The following IGF1 variants were observed in gnomAD, a reference collection of about 807,000 sequenced individuals.
The protein encoded by IGF1 is insulin like growth factor 1, also known as insulin-like growth factor 1.
A neutral mutation model predicts 13.8 loss-of-function variants in IGF1; 4 were observed. That is an observed-to-expected ratio of 0.29 (90% CI 0.14 to 0.66). The LOEUF is 0.66. Among genes scored for constraint, IGF1 ranks in the 30% least tolerant of loss-of-function variants. IGF1 has a pLI of 0.78. For synonymous variants in IGF1, 76 were observed against 72.6 expected, an observed-to-expected ratio of 1.05 and a Z score of -0.23; for missense variants, 124 against 188.5, an observed-to-expected ratio of 0.66 and a Z score of 2.00.
At chr12:102,448,713 A>G (rs977927351) in intron 2 of IGF1, among the ~76,000 whole-genome samples, 4 of 118,442 alleles carry the variant, frequency 3.4e-5, no homozygotes, top group African/African-American at 8.9e-5. Context: ...AAAAAAAAAA[A>G]AAATCTCATC....
chr12:102,424,089 G>T (rs991181044), intron 2 of IGF1, among the ~76,000 whole-genome samples: 1 of 152,160 alleles, frequency 6.6e-6, no homozygotes, highest in Non-Finnish European at 1.5e-5. Context: ...TTGATTTGAA[G>T]AGTCAGTATT....
intron 3 of IGF1, among the ~76,000 whole-genome samples, chr12:102,411,580 A>T (rs1237354467): frequency 3.3e-5 from 5 of 152,144 alleles, no homozygotes; most frequent in Admixed American, 3.3e-4. Context: ...TTTGATGTAA[A>T]ATTTCTTGGT....
In IGF1 at chr12:102,478,317, GA is replaced by G. The variant is rs913616635; in HGVS notation, c.63+2001del. Among the ~76,000 whole-genome samples the G allele has an allele frequency of 1.2e-4, 17 of 144,392 alleles. No individual in the cohort carries two copies. The East Asian group carries it at 1.4e-3, about 12-fold the overall frequency. 94.7% of individuals were successfully genotyped at this position (144,392 alleles called of 152,430 possible). On this transcript the variant is annotated intron_variant, in intron 1 of 3. Coordinates refer to ENST00000337514, the MANE Select transcript of IGF1 (RefSeq NM_000618.5). ...GAATCAGAAAGACATGAGAAAAAAA[GA>G]AAAAAAAATCAGAAAACACTTTCTC...
intron 2 of IGF1, among the ~76,000 whole-genome samples, chr12:102,441,956 T>TCC (rs1877880601): frequency 3.6e-5 from 5 of 140,552 alleles, no homozygotes; most frequent in Admixed American, 2.2e-4. Context: ...CTTCTTCTTC[T>TCC]TTTTTTTTTT....
At chr12:102,474,589 T>A (rs1002820385) in intron 2 of IGF1, among the ~76,000 whole-genome samples, 2 of 152,104 alleles carry the variant, frequency 1.3e-5, no homozygotes, top group Non-Finnish European at 2.9e-5. Context: ...GAGAGAGACT[T>A]CAAGTGTGTG....
At chr12:102,414,997 T>C (rs1874959943) in intron 3 of IGF1, among the ~76,000 whole-genome samples, 1 of 152,248 alleles carries the variant, frequency 6.6e-6, no homozygotes, top group Non-Finnish European at 1.5e-5. Flanking sequence ...ATATTCACTA[T>C]GAAATTCTTA....
chr12:102,467,273 G>A (rs188697734), intron 2 of IGF1, among the ~76,000 whole-genome samples: 3 of 152,274 alleles, frequency 2.0e-5, no homozygotes, highest in South Asian at 2.1e-4. Context: ...AAAGACCAGA[G>A]ATGAAAGAAG....
intron 2 of IGF1, among the ~76,000 whole-genome samples, chr12:102,453,025 G>A (rs538089831): frequency 2.1e-4 from 32 of 152,344 alleles, no homozygotes; most frequent in Admixed American, 1.9e-3. Context: ...AGGGAGTTAG[G>A]ATTTGGGGGT....
intron 2 of IGF1, among the ~76,000 whole-genome samples, chr12:102,430,872 CA>C (rs371543201): frequency 2.4e-4 from 36 of 152,348 alleles, no homozygotes; most frequent in African/African-American, 8.4e-4. Context: ...TCTGAGCCAT[CA>C]CAAATTCTTT....
At chr12:102,474,036 A>G (rs1454524494) in intron 2 of IGF1, among the ~76,000 whole-genome samples, 1 of 152,210 alleles carries the variant, frequency 6.6e-6, no homozygotes, top group Admixed American at 6.5e-5. Flanking sequence ...AATTGCACAA[A>G]TGGATTATCA....
chr12:102,437,606 C>G (rs1877356376), intron 2 of IGF1, among the ~76,000 whole-genome samples: 1 of 152,106 alleles, frequency 6.6e-6, no homozygotes, highest in Non-Finnish European at 1.5e-5. Context: ...ATAGTGGTCA[C>G]TAGAGGCTGC....
intron 1 of IGF1, chr12:102,478,789 A>T: frequency 2.1e-6 from 1 of 486,796 alleles, no homozygotes; most frequent in Non-Finnish European, 3.3e-6. Flanking sequence ...CCAGATAGTG[A>T]CCCAAGCTCC....
intron 2 of IGF1, among the ~76,000 whole-genome samples, chr12:102,458,788 T>C (rs563043980): frequency 6.1e-4 from 89 of 146,330 alleles, no homozygotes; most frequent in African/African-American, 2.1e-3. Context: ...ATTGCTTCTC[T>C]CTCTCAGAGG....
At chr12:102,456,406 A>G (rs769073527) in intron 2 of IGF1, among the ~76,000 whole-genome samples, 9 of 152,242 alleles carry the variant, frequency 5.9e-5, no homozygotes, top group Non-Finnish European at 1.2e-4. Context: ...AGGAAAAGGT[A>G]TCAAATCTAA....
chr12:102,477,066 A>G (rs1566010588), intron 1 of IGF1, among the ~76,000 whole-genome samples: 1 of 152,148 alleles, frequency 6.6e-6, no homozygotes, highest in East Asian at 1.9e-4. Context: ...CTATAATTAT[A>G]AGAAGAGCAT....
chr12:102,402,384 G>A lies in IGF1; in HGVS notation c.*123C>T, dbSNP rs61250514. The stretch of plus-strand genomic sequence containing the variant: ...ACTTGTGTATTTCATTGGGGGAAAC[G>A]CCCATCTTTTAAATGTTATCAAACT... On this transcript the variant is annotated 3_prime_UTR_variant, in exon 4 of 4. Transcript: ENST00000337514. 5 of 771,936 alleles carry A rather than the reference G, an allele frequency of 6.5e-6. No individual in the cohort carries two copies. The highest frequency in any genetic ancestry group is 3.4e-5 in the African/African-American group (2 of 58,812). 47.8% of individuals were successfully genotyped at this position (771,936 alleles called of 1,614,324 possible).
chr12:102,397,471 A>G lies in IGF1; in HGVS notation c.*5036T>C, dbSNP rs927731868. ...TAAATTGATATCTTTATCCTGTACC[A>G]TATGCACTTAAAGCTTCTGACAGTC... is the stretch of plus-strand genomic sequence containing the variant. On this transcript the variant is annotated 3_prime_UTR_variant, in exon 4 of 4. Coordinates refer to ENST00000337514, the MANE Select transcript of IGF1 (RefSeq NM_000618.5). 1.3e-5 allele frequency: 2 copies of G among 152,192 alleles called. No individual in the cohort carries two copies. The highest frequency in any genetic ancestry group is 2.9e-5 in the Non-Finnish European group (2 of 68,040). 9.4% of individuals were successfully genotyped at this position (152,192 alleles called of 1,614,324 possible). A position where few individuals can be genotyped will look rare whatever the true frequency, so the allele number is the denominator to read the frequency against.
At chr12:102,465,646 A>G (rs1036853794) in intron 2 of IGF1, among the ~76,000 whole-genome samples, 2 of 152,206 alleles carry the variant, frequency 1.3e-5, no homozygotes, top group Non-Finnish European at 2.9e-5. Context: ...GTTAAGGTCA[A>G]AGACAACTGG....
chr12:102,461,385 C>A (rs1198994058), intron 2 of IGF1, among the ~76,000 whole-genome samples: 1 of 152,128 alleles, frequency 6.6e-6, no homozygotes, highest in Non-Finnish European at 1.5e-5. Context: ...TGATAGGTGA[C>A]CAAAATAGAC....
Sources: gnomAD v4.1 joint callset for allele counts (sites outside exome capture counted in the v4.1 genomes callset) on GRCh38, gnomAD v4.1.1 for gene constraint, MANE v1.5 for transcripts, NCBI Gene and HGNC (gene_info 2026-07-23, HGNC 2026-07-21) for gene names.